Variants in SOS1 observed in about 807,000 individuals in gnomAD.
SOS1 encodes the protein SOS Ras/Rac guanine nucleotide exchange factor 1, also known as son of sevenless homolog 1.
A neutral mutation model predicts 157.6 loss-of-function variants in SOS1; 25 were observed. That is an observed-to-expected ratio of 0.16 (90% CI 0.12 to 0.22). The LOEUF is 0.22. SOS1 is among the 10% of genes least tolerant of loss of function. The probability of loss-of-function intolerance (pLI) is 1.00; values close to 1 mark genes in which losing one functional copy is unlikely to be tolerated. For missense variants in SOS1, 1,237 were observed against 1,599.1 expected, an observed-to-expected ratio of 0.77 and a Z score of 3.86; for synonymous variants, 528 against 534.0, an observed-to-expected ratio of 0.99 and a Z score of 0.16.
intron 1 of SOS1, among the ~76,000 whole-genome samples, chr2:39,082,122 G>A (rs1672223352): frequency 1.3e-5 from 2 of 152,136 alleles, no homozygotes; most frequent in Non-Finnish European, 2.9e-5. Context: ...TCACCCTGTT[G>A]TGCTATCAAA....
At chr2:39,056,014 G>GTAGT (rs1671198993) in intron 4 of SOS1, among the ~76,000 whole-genome samples, 1 of 152,168 alleles carries the variant, frequency 6.6e-6, no homozygotes, top group Admixed American at 6.5e-5. Context: ...AAACCACAAA[G>GTAGT]TAGTATCTGA....
At chr2:39,073,858 T>A (rs1671869978) in intron 1 of SOS1, among the ~76,000 whole-genome samples, 1 of 152,226 alleles carries the variant, frequency 6.6e-6, no homozygotes, top group East Asian at 1.9e-4. Context: ...AATTATGCTC[T>A]GTCATGTCTT....
At chr2:39,114,158 C>G (rs1034720910) in intron 1 of SOS1, among the ~76,000 whole-genome samples, 3 of 152,120 alleles carry the variant, frequency 2.0e-5, no homozygotes, top group African/African-American at 7.2e-5. Flanking sequence ...TGCAATGGCA[C>G]GATCATGGCT....
chr2:39,111,874 C>A (rs1673449700), intron 1 of SOS1, among the ~76,000 whole-genome samples: 1 of 152,032 alleles, frequency 6.6e-6, no homozygotes, highest in Non-Finnish European at 1.5e-5. Flanking sequence ...GGACTACAGG[C>A]ACACACCACC....
intron 1 of SOS1, among the ~76,000 whole-genome samples, chr2:39,067,992 G>A (rs1019225113): frequency 5.3e-5 from 8 of 152,086 alleles, no homozygotes; most frequent in South Asian, 2.1e-4. Context: ...TGTGGTGTGC[G>A]CCTGTAATCC....
chr2:38,997,783 A>G (rs892325554), intron 17 of SOS1, among the ~76,000 whole-genome samples: 2 of 152,144 alleles, frequency 1.3e-5, no homozygotes, highest in Non-Finnish European at 1.5e-5. Flanking sequence ...TCAATTTTCC[A>G]TACCCCCTCC....
At chr2:39,026,257 A>C (rs887947783) in intron 8 of SOS1, among the ~76,000 whole-genome samples, 2 of 151,592 alleles carry the variant, frequency 1.3e-5, no homozygotes, top group African/African-American at 4.9e-5. Flanking sequence ...CGGGAGGCTG[A>C]GGCAGAAGAA....
At chr2:39,003,378 A>T (rs1040870856) in intron 17 of SOS1, among the ~76,000 whole-genome samples, 1 of 152,190 alleles carries the variant, frequency 6.6e-6, no homozygotes, top group Admixed American at 6.5e-5. Context: ...TAGTAAAATT[A>T]TACTTTATCC....
intron 15 of SOS1, among the ~76,000 whole-genome samples, chr2:39,009,458 T>C (rs767585643): frequency 2.0e-5 from 3 of 152,186 alleles, no homozygotes; most frequent in African/African-American, 4.8e-5. Flanking sequence ...GTAAAGGTAA[T>C]TGTGTAATTA....
At chr2:39,032,670 A>G (rs1289478425) in intron 8 of SOS1, among the ~76,000 whole-genome samples, 1 of 152,176 alleles carries the variant, frequency 6.6e-6, no homozygotes, top group Admixed American at 6.6e-5. Context: ...AAAGAAAGGA[A>G]GGAACTCACT....
intron 2 of SOS1, among the ~76,000 whole-genome samples, chr2:39,060,957 G>A (rs2373497): frequency 0.88 from 132,978 of 151,182 alleles, 58,552 homozygotes; most frequent in Non-Finnish European, 0.91. Context: ...AATCACCAGC[G>A]GTGGAATTAC....
At chr2:39,007,385 G>C in intron 15 of SOS1, 192 bp from the exon 16 acceptor site, 1 of 587,352 alleles carries the variant, frequency 1.7e-6, no homozygotes. Context: ...GCTCTTTCCC[G>C]TCTTCTAGAC....
intron 1 of SOS1, among the ~76,000 whole-genome samples, chr2:39,069,174 T>G (rs576540926): frequency 1.2e-4 from 13 of 107,048 alleles, no homozygotes; most frequent in African/African-American, 4.7e-4. Context: ...AGGGAAAACC[T>G]GTCTCTACCA....
chr2:39,063,387 A>G (rs1444025834), intron 2 of SOS1, among the ~76,000 whole-genome samples: 1 of 152,368 alleles, frequency 6.6e-6, no homozygotes, highest in African/African-American at 2.4e-5. Flanking sequence ...GCCATTTAAT[A>G]TAAGGGACTT....
At chr2:39,079,539 G>A (rs1017296576) in intron 1 of SOS1, among the ~76,000 whole-genome samples, 3 of 116,336 alleles carry the variant, frequency 2.6e-5, no homozygotes, top group Non-Finnish European at 4.8e-5. Context: ...CTGTCGCCCA[G>A]GTTGGAGTGT....
intron 10 of SOS1, among the ~76,000 whole-genome samples, chr2:39,021,290 AAAAT>A (rs1322682360): frequency 6.6e-6 from 1 of 151,632 alleles, no homozygotes; most frequent in East Asian, 1.9e-4. Context: ...CTCATTTAAA[AAAAT>A]AAATAAAAGG....
intron 19 of SOS1, among the ~76,000 whole-genome samples, chr2:38,995,770 C>A (rs1188837153): frequency 1.3e-5 from 2 of 152,124 alleles, no homozygotes; most frequent in Non-Finnish European, 2.9e-5. Flanking sequence ...AATTACAATA[C>A]CTTTCTATTC....
intron 1 of SOS1, among the ~76,000 whole-genome samples, chr2:39,077,316 T>C (rs1672038735): frequency 5.1e-5 from 2 of 39,448 alleles, no homozygotes; most frequent in East Asian, 4.4e-4. Context: ...TGAGACTCCT[T>C]CTCCAAAAAA....
intron 6 of SOS1, among the ~76,000 whole-genome samples, chr2:39,040,440 C>T (rs1670530584): frequency 6.6e-6 from 1 of 152,140 alleles, no homozygotes; most frequent in African/African-American, 2.4e-5. Flanking sequence ...CTGAACTATT[C>T]TATCATCCCA....
Sources: allele counts gnomAD v4.1 joint callset (sites outside exome capture counted in the v4.1 genomes callset), GRCh38; gene constraint gnomAD v4.1.1; transcripts MANE v1.5; gene names NCBI Gene and HGNC (gene_info 2026-07-23, HGNC 2026-07-21).